AGBL4: variants seen among roughly 807,000 people sequenced by gnomAD.
The protein encoded by AGBL4 is cytosolic carboxypeptidase 6.
In AGBL4, 58 loss-of-function variants were observed where a neutral mutation model predicts 66.4. The ratio of observed to expected loss-of-function variants is 0.87; its 90% CI spans 0.71 to 1.09. The LOEUF is 1.09. Among genes scored for constraint, AGBL4 ranks in the 50% least tolerant of loss-of-function variants. The pLI is 0.00. For synonymous variants in AGBL4, 234 were observed against 222.9 expected, an observed-to-expected ratio of 1.05 and a Z score of -0.44; for missense variants, 579 against 631.0, an observed-to-expected ratio of 0.92 and a Z score of 0.88.
At chr1:49,650,785 T>C (rs1296676768) in intron 3 of AGBL4, among the ~76,000 whole-genome samples, 1 of 152,152 alleles carries the variant, frequency 6.6e-6, no homozygotes, top group Admixed American at 6.5e-5. Context: ...ACGCAGTCCC[T>C]ATCTGTGAAG....
At chr1:49,782,670 A>G (rs1644364696) in intron 2 of AGBL4, among the ~76,000 whole-genome samples, 1 of 152,234 alleles carries the variant, frequency 6.6e-6, no homozygotes, top group African/African-American at 2.4e-5. Context: ...ATGAGAGGTA[A>G]TTAGGCCAAG....
intron 6 of AGBL4, among the ~76,000 whole-genome samples, chr1:48,760,555 G>A (rs577415608): frequency 1.3e-5 from 2 of 152,320 alleles, no homozygotes; most frequent in East Asian, 3.9e-4. Flanking sequence ...TCACTATAAT[G>A]TGAGACCCCT....
At chr1:49,076,353 TAAATAGTTTTTATACTATATTTAG>T (rs1245884905) in intron 4 of AGBL4, among the ~76,000 whole-genome samples, 1 of 152,228 alleles carries the variant, frequency 6.6e-6, no homozygotes, top group African/African-American at 2.4e-5. Flanking sequence ...AAATGCTATG[TAAATAGTTTTTATACTATATTTAG>T]AAATTTGTAC....
At chr1:49,534,199 C>G (rs1004546593) in intron 3 of AGBL4, among the ~76,000 whole-genome samples, 11 of 87,926 alleles carry the variant, frequency 1.3e-4, no homozygotes, top group African/African-American at 4.4e-4. Context: ...AAAAAAAGCA[C>G]AAAAATTACC....
At chr1:49,642,098 GT>G (rs1645792843) in intron 3 of AGBL4, among the ~76,000 whole-genome samples, 1 of 151,814 alleles carries the variant, frequency 6.6e-6, no homozygotes, top group South Asian at 2.1e-4. Context: ...TTGTAATATG[GT>G]TCTCAAAGAT....
intron 3 of AGBL4, among the ~76,000 whole-genome samples, chr1:49,263,854 C>A (rs974767321): frequency 6.6e-6 from 1 of 152,032 alleles, no homozygotes; most frequent in Non-Finnish European, 1.5e-5. Context: ...TATCAGTATT[C>A]ATTTATAATA....
intron 5 of AGBL4, among the ~76,000 whole-genome samples, chr1:49,011,575 T>C (rs570571980): frequency 2.0e-5 from 3 of 152,236 alleles, no homozygotes; most frequent in Admixed American, 6.5e-5. Context: ...TAAAGACACA[T>C]GCACACATAT....
intron 5 of AGBL4, among the ~76,000 whole-genome samples, chr1:48,986,000 T>C (rs1186820078): frequency 6.6e-6 from 1 of 152,072 alleles, no homozygotes; most frequent in African/African-American, 2.4e-5. Context: ...AAAATTATAA[T>C]ATCTGAGATT....
chr1:49,119,579 C>A (rs956182359), intron 4 of AGBL4, among the ~76,000 whole-genome samples: 1 of 152,158 alleles, frequency 6.6e-6, no homozygotes, highest in African/African-American at 2.4e-5. Flanking sequence ...GTTGTGATTT[C>A]TGTTCTTTTA....
At chr1:49,502,428 C>A (rs1648253304) in intron 3 of AGBL4, among the ~76,000 whole-genome samples, 1 of 152,014 alleles carries the variant, frequency 6.6e-6, no homozygotes, top group African/African-American at 2.4e-5. Flanking sequence ...AAGTGGGGTG[C>A]TGCTGTAAAG....
At chr1:48,674,228 T>C (rs997333400) in intron 6 of AGBL4, among the ~76,000 whole-genome samples, 1 of 152,232 alleles carries the variant, frequency 6.6e-6, no homozygotes, top group African/African-American at 2.4e-5. Context: ...TGTTAATGGC[T>C]GTGAATCCCT....
intron 3 of AGBL4, among the ~76,000 whole-genome samples, chr1:49,558,558 C>A (rs945044727): frequency 2.6e-5 from 4 of 152,134 alleles, no homozygotes; most frequent in Non-Finnish European, 5.9e-5. Flanking sequence ...CCAGGATGGT[C>A]TTGATCTCCT....
intron 3 of AGBL4, among the ~76,000 whole-genome samples, chr1:49,591,741 C>T (rs1644755455): frequency 6.6e-6 from 1 of 152,060 alleles, no homozygotes; most frequent in African/African-American, 2.4e-5. Flanking sequence ...AAAACAGATA[C>T]ATAGACCAAT....
intron 11 of AGBL4, among the ~76,000 whole-genome samples, chr1:48,580,177 A>G (rs1399386442): frequency 2.0e-5 from 3 of 152,208 alleles, no homozygotes; most frequent in Admixed American, 6.5e-5. Context: ...TCAGATCACC[A>G]GAGGCTTAGG....
intron 3 of AGBL4, among the ~76,000 whole-genome samples, chr1:49,438,561 A>G (rs561017448): frequency 1.3e-5 from 2 of 152,318 alleles, no homozygotes; most frequent in East Asian, 3.9e-4. Flanking sequence ...AGGCCAATGG[A>G]CATCGCCAAA....
chr1:49,090,935 A>C (rs2147978471), intron 4 of AGBL4, among the ~76,000 whole-genome samples: 1 of 152,286 alleles, frequency 6.6e-6, no homozygotes, highest in South Asian at 2.1e-4. Flanking sequence ...ATAAAGCTGC[A>C]CACTCACAAC....
intron 6 of AGBL4, among the ~76,000 whole-genome samples, chr1:48,792,520 A>G (rs1292153684): frequency 1.3e-5 from 2 of 152,204 alleles, no homozygotes; most frequent in Non-Finnish European, 2.9e-5. Context: ...AAATTATGTA[A>G]TCTTGGTTAA....
intron 3 of AGBL4, among the ~76,000 whole-genome samples, chr1:49,477,396 GA>G (rs1646868035): frequency 6.6e-6 from 1 of 152,076 alleles, no homozygotes; most frequent in Non-Finnish European, 1.5e-5. Flanking sequence ...TTGTTTGGAA[GA>G]AAGTAAGGGA....
chr1:49,507,376 C>T (rs945848151), intron 3 of AGBL4, among the ~76,000 whole-genome samples: 11 of 152,072 alleles, frequency 7.2e-5, no homozygotes, highest in Non-Finnish European at 1.3e-4. Context: ...TAGTCAATCT[C>T]ATGAACAGAC....
Sources: gnomAD v4.1 joint callset for allele counts (sites outside exome capture counted in the v4.1 genomes callset) on GRCh38, gnomAD v4.1.1 for gene constraint, MANE v1.5 for transcripts, NCBI Gene and HGNC (gene_info 2026-07-23, HGNC 2026-07-21) for gene names.